The following KDM2B variants were observed in gnomAD, a reference collection of about 807,000 sequenced individuals.
KDM2B encodes lysine demethylase 2B, also known as lysine-specific demethylase 2B.
In KDM2B, 26 loss-of-function variants were observed where a neutral mutation model predicts 150.0. That is an observed-to-expected ratio of 0.17 (90% CI 0.13 to 0.24). The LOEUF is 0.24. Ranked by LOEUF, KDM2B falls within the 10% of genes least tolerant of loss-of-function variation. The probability of loss-of-function intolerance (pLI) is 1.00; values close to 1 mark genes in which losing one functional copy is unlikely to be tolerated. For missense variants in KDM2B, 1,265 were observed against 1,816.9 expected, an observed-to-expected ratio of 0.70 and a Z score of 5.52; for synonymous variants, 734 against 729.5, an observed-to-expected ratio of 1.01 and a Z score of -0.10.
Position 121,575,093 on chromosome 12 carries a change from A to G in KDM2B, c.351-500T>C, listed in dbSNP as rs1028780216. ...GTGGTAATATGGGCTACAATTCACT[A>G]TTAATTAACAATGATGCCCAAGGTT... On this transcript the variant is annotated intron_variant, in intron 3 of 22. Coordinates refer to ENST00000377071, the MANE Select transcript of KDM2B (RefSeq NM_032590.5). This position sits in a 1 kb window ranked among gnomAD's most constrained non-coding sequence, Gnocchi z 4.4. Among the ~76,000 whole-genome samples the G allele has an allele frequency of 1.1e-4, 16 of 152,232 alleles. No homozygotes were observed. The highest frequency in any genetic ancestry group is 3.9e-4 in the African/African-American group (16 of 41,452).
rs1555288670 is a variant in KDM2B at position 121,442,450 on chromosome 12, G to A, written c.2991C>T (p.Phe997=). Residue 997 remains phenylalanine, a synonymous_variant, in exon 19 of 23, where the codon TTC becomes TTT. Coordinates refer to ENST00000377071, the MANE Select transcript of KDM2B (RefSeq NM_032590.5). The surrounding 1 kb of genome is among the most constrained non-coding windows in gnomAD (Gnocchi z 7.7). ...PPGICERPHR[F]SKGLNGTPRE... Reference sequence around the variant, plus strand: ...GGGGGGTGCCGTTGAGCCCCTTGCTGAAGCGGTGGGGACGCTCGCAGATGC... The same window carrying A: ...GGGGGGTGCCGTTGAGCCCCTTGCTAAAGCGGTGGGGACGCTCGCAGATGC... 3.1e-6 allele frequency: 5 copies of A among 1,599,756 alleles called. No homozygotes were observed. The African/African-American group carries it at 5.3e-5, about 17-fold the overall frequency.
chr12:121,526,782 A>G (rs536349067), intron 8 of KDM2B, among the ~76,000 whole-genome samples: 1 of 152,234 alleles, frequency 6.6e-6, no homozygotes, highest in African/African-American at 2.4e-5. Context: ...CTGTAATCCC[A>G]GCACTTGGGG....
chr12:121,503,488 G>A (rs1555302466), intron 11 of KDM2B, among the ~76,000 whole-genome samples: 1 of 150,488 alleles, frequency 6.6e-6, no homozygotes, highest in African/African-American at 2.5e-5. Context: ...GTTTTGTTTT[G>A]TTTTTGTAGA....
intron 6 of KDM2B, 67 bp downstream of exon 6, chr12:121,548,810 A>T: frequency 8.1e-7 from 1 of 1,234,488 alleles, no homozygotes; most frequent in Non-Finnish European, 1.2e-6. Flanking sequence ...CCTCCTTCCC[A>T]CCTCCCCACC....
chr12:121,417,447 C>A, the KDM2B span: 1 of 1,466,762 alleles, frequency 6.8e-7, no homozygotes, highest in Non-Finnish European at 9.2e-7. The surrounding 1 kb of genome is among the most constrained non-coding windows in gnomAD (Gnocchi z 5.0). Context: ...AGAAAGAAAA[C>A]TCATGCTTTC....
chr12:121,509,806 T>C lies in KDM2B; in HGVS notation c.1408A>G (p.Lys470Glu). 1 of 1,614,126 alleles carries C rather than the reference T, an allele frequency of 6.2e-7. No homozygotes were observed. Among genetic ancestry groups the C allele is most frequent in the South Asian group, 1.1e-5 (1 of 91,088 alleles). The change falls in exon 11 of 23, where the codon AAA becomes GAA. Residue 470 changes from lysine to glutamate, a missense_variant. This residue lies in a region of KDM2B where 154 missense variants were observed against 162.5 expected (regional missense o/e 0.95). Transcript: ENST00000377071. The part of the protein sequence containing the change: ...KPKAPALRFL[K>E]RTLSNESEES... ...TCCGACTCATTAGACAAAGTCCTTT[T>C]GAGGAATCGCAGGGCAGGTGCTTTG...
chr12:121,451,531 T>A (rs1877284138), intron 13 of KDM2B, among the ~76,000 whole-genome samples: 1 of 152,212 alleles, frequency 6.6e-6, no homozygotes, highest in African/African-American at 2.4e-5. Context: ...CTCAAAGAGA[T>A]ATCTGCACAC....
At chr12:121,538,868 G>A (rs1888376640) in intron 6 of KDM2B, among the ~76,000 whole-genome samples, 1 of 152,014 alleles carries the variant, frequency 6.6e-6, no homozygotes, top group Non-Finnish European at 1.5e-5. Flanking sequence ...TCAACTCCAG[G>A]AGGAGTCCAG....
chr12:121,457,092 A>G (rs2138996925), intron 12 of KDM2B, among the ~76,000 whole-genome samples: 1 of 152,322 alleles, frequency 6.6e-6, no homozygotes, highest in African/African-American at 2.4e-5. Context: ...TGAAGACCCA[A>G]CCAGGAAACG....
At position 121,429,958 on chromosome 12, in the gene KDM2B, A is replaced by G. The variant is rs539575342; in HGVS notation, c.*330T>C. The G allele has an allele frequency of 2.2e-5, 15 of 695,370 alleles. No homozygotes were observed. Among genetic ancestry groups the G allele is most frequent in the Non-Finnish European group, 3.6e-5 (14 of 391,350 alleles). 43.1% of individuals were successfully genotyped at this position (695,370 alleles called of 1,614,324 possible). On this transcript the variant is annotated 3_prime_UTR_variant, in exon 23 of 23. Coordinates refer to ENST00000377071, the MANE Select transcript of KDM2B (RefSeq NM_032590.5). ...GGAATGAAGTGTCCAAAACACCACT[A>G]CCACTAACAGAAACTCCTAAGCTCA...
intron 12 of KDM2B, among the ~76,000 whole-genome samples, chr12:121,465,043 A>G (rs1879672998): frequency 1.3e-5 from 2 of 152,020 alleles, no homozygotes; most frequent in Non-Finnish European, 2.9e-5. Flanking sequence ...CCTGCCCCCC[A>G]CTGCCCTGGC....
chr12:121,516,138 C>T (rs1427075777), intron 9 of KDM2B, among the ~76,000 whole-genome samples: 1 of 152,042 alleles, frequency 6.6e-6, no homozygotes, highest in Non-Finnish European at 1.5e-5. Context: ...AAGCTGAGGA[C>T]GGACAGACCT....
In KDM2B at chr12:121,549,048, T is replaced by G. The variant is rs528502414; in HGVS notation, c.577-65A>C. The G allele has an allele frequency of 3.9e-5, 53 of 1,350,670 alleles. No individual in the cohort carries two copies. In the African/African-American group the frequency reaches 7.1e-4, roughly 18 times the overall value. 83.7% of individuals were successfully genotyped at this position (1,350,670 alleles called of 1,614,324 possible). On this transcript the variant is annotated intron_variant, in intron 5 of 22. Coordinates refer to ENST00000377071, the MANE Select transcript of KDM2B (RefSeq NM_032590.5). This position sits in a 1 kb window ranked among gnomAD's most constrained non-coding sequence, Gnocchi z 4.4. ...GCCGAGCCAGACACAAATACCCCTT[T>G]CCCCGGAGAGTCCTTGGGCCCCCCC... is the stretch of plus-strand genomic sequence containing the variant.
At chr12:121,568,178 C>T (rs1326239602) in intron 4 of KDM2B, among the ~76,000 whole-genome samples, 6 of 152,024 alleles carry the variant, frequency 3.9e-5, no homozygotes, top group African/African-American at 9.7e-5. Context: ...TATCCAACCA[C>T]GAAACAAAGG....
rs994084488 is a variant in KDM2B at position 121,478,244 on chromosome 12, C to T, written c.1734+16335G>A. Among the ~76,000 whole-genome samples the T allele has an allele frequency of 4.6e-5, 7 of 151,782 alleles. No homozygotes were observed. In the South Asian group the frequency reaches 8.3e-4, roughly 18 times the overall value. ...TTTGTTATATAGGTAAATGGTGTGT[C>T]GAAGGGGACTGGTGTACAGATCATT... is the stretch of plus-strand genomic sequence containing the variant. On this transcript the variant is annotated intron_variant, in intron 12 of 22. Transcript: ENST00000377071.
chr12:121,442,657 C>T lies in KDM2B; in HGVS notation c.2784G>A (p.Glu928=), dbSNP rs782206873. Reference sequence around the variant, plus strand: ...GGCGCATCTTCACCTTCTTCTTCTCCTCCGGGCCCTCGGCCCCTTCGGTGC... The same window carrying T: ...GGCGCATCTTCACCTTCTTCTTCTCTTCCGGGCCCTCGGCCCCTTCGGTGC... ...GPSTEGAEGP[E]EKKKVKMRRK... The change falls in exon 19 of 23, where the codon GAG becomes GAA. Residue 928 remains glutamate (E), a synonymous_variant. Transcript: ENST00000377071. The surrounding 1 kb of genome is among the most constrained non-coding windows in gnomAD (Gnocchi z 7.7). 8.1e-6 allele frequency: 13 copies of T among 1,605,178 alleles called. No homozygotes were observed. The Middle Eastern group carries it at 4.9e-4, about 61-fold the overall frequency.
At chr12:121,428,458 C>T (rs1213708029), downstream of KDM2B, among the ~76,000 whole-genome samples, 1 of 151,082 alleles carries the variant, frequency 6.6e-6, no homozygotes, top group Admixed American at 6.6e-5. Flanking sequence ...GCTGGATCCA[C>T]TCCACGTGGC....
chr12:121,536,961 T>C (rs1335002786), intron 6 of KDM2B, among the ~76,000 whole-genome samples: 1 of 152,224 alleles, frequency 6.6e-6, no homozygotes, highest in African/African-American at 2.4e-5. Flanking sequence ...CGCTGCAAGC[T>C]GGCTGCAGTG....
Position 121,442,923 on chromosome 12 carries a change from G to A in KDM2B, c.2604+69C>T. The stretch of plus-strand genomic sequence containing the variant: ...TCCCGCCCCCCTGCCACGGGACTGT[G>A]GCCCAGGGAGCTGCGGTGCAGCTCT... On this transcript the variant is annotated intron_variant, in intron 18 of 22. Transcript: ENST00000377071. This position sits in a 1 kb window ranked among gnomAD's most constrained non-coding sequence, Gnocchi z 7.7. The A allele has an allele frequency of 1.3e-6, 2 of 1,591,310 alleles. No homozygotes were observed. The highest frequency in any genetic ancestry group is 1.1e-5 in the South Asian group (1 of 88,686).
Sources: allele counts gnomAD v4.1 joint callset (sites outside exome capture counted in the v4.1 genomes callset), GRCh38; gene constraint gnomAD v4.1.1; regional missense constraint gnomAD v4.1.1; non-coding constraint Gnocchi (gnomAD v3.1); transcripts MANE v1.5; gene names NCBI Gene and HGNC (gene_info 2026-07-23, HGNC 2026-07-21).